NRG1: variants seen among roughly 807,000 people sequenced by gnomAD.
NRG1 encodes the protein neuregulin 1.
Under a neutral mutation model 63.8 loss-of-function variants are expected in NRG1, and 18 were observed. The observed-to-expected ratio is 0.28, with a 90% confidence interval of 0.19 to 0.42. The LOEUF (loss-of-function observed/expected upper bound fraction) is 0.42, where lower values mean the gene tolerates loss of function less well. Ranked by LOEUF, NRG1 falls within the 10% of genes least tolerant of loss-of-function variation. NRG1 has a pLI of 1.00. For synonymous variants in NRG1, 302 were observed against 301.3 expected, an observed-to-expected ratio of 1.00 and a Z score of -0.02; for missense variants, 762 against 814.7, an observed-to-expected ratio of 0.94 and a Z score of 0.79.
chr8:32,042,025 A>C (rs1820144115), intron 1 of NRG1, among the ~76,000 whole-genome samples: 1 of 152,200 alleles, frequency 6.6e-6, no homozygotes. Flanking sequence ...TGCTCAGAAG[A>C]GTTTGAAAAT....
At chr8:32,264,826 G>T (rs1465520715) in intron 1 of NRG1, among the ~76,000 whole-genome samples, 1 of 152,014 alleles carries the variant, frequency 6.6e-6, no homozygotes, top group Non-Finnish European at 1.5e-5. Flanking sequence ...AAAAAAAAAG[G>T]ATTCTGAAAG....
At chr8:32,137,181 C>T (rs903436763) in intron 1 of NRG1, among the ~76,000 whole-genome samples, 4 of 152,100 alleles carry the variant, frequency 2.6e-5, no homozygotes, top group Non-Finnish European at 5.9e-5. Flanking sequence ...CATGGTGGCT[C>T]ATGCCTGTAG....
intron 1 of NRG1, among the ~76,000 whole-genome samples, chr8:32,194,791 A>C (rs1270750607): frequency 6.6e-6 from 1 of 152,160 alleles, no homozygotes; most frequent in African/African-American, 2.4e-5. Flanking sequence ...TTCCCTTATG[A>C]TTCCTCTTCT....
intron 1 of NRG1, among the ~76,000 whole-genome samples, chr8:32,509,159 G>A (rs1239006592): frequency 6.6e-6 from 1 of 151,586 alleles, no homozygotes; most frequent in Admixed American, 6.6e-5. Flanking sequence ...CTGGAGTACA[G>A]TGGTGCAATC....
chr8:32,588,881 TAGC>T (rs1268798136), intron 1 of NRG1, among the ~76,000 whole-genome samples: 1 of 152,154 alleles, frequency 6.6e-6, no homozygotes, highest in African/African-American at 2.4e-5. Context: ...CAGGGACAAA[TAGC>T]AGCTCCATTC....
At chr8:31,920,277 AT>A (rs1833789922) in intron 1 of NRG1, among the ~76,000 whole-genome samples, 1 of 141,666 alleles carries the variant, frequency 7.1e-6, no homozygotes, top group South Asian at 2.4e-4. Flanking sequence ...ACTGTCGCTG[AT>A]TGGAACTACC....
Position 31,815,343 on chromosome 8 carries a change from G to T in NRG1, c.37+175912G>T, listed in dbSNP as rs114199183. Among the ~76,000 whole-genome samples, 668 of 152,068 alleles carry T rather than the reference G, an allele frequency of 4.4e-3. 7 individuals are homozygous for T. The highest frequency in any genetic ancestry group is 0.015 in the African/African-American group (629 of 41,472). The stretch of plus-strand genomic sequence containing the variant: ...CTTCATATAAGCGGTATCATGCAGT[G>T]GTATCTCATCTTTTTGAGACTGGCT... On this transcript the variant is annotated intron_variant, in intron 1 of 10. Transcript: ENST00000519301.
chr8:31,752,554 A>C (rs903586477), intron 1 of NRG1, among the ~76,000 whole-genome samples: 1 of 152,056 alleles, frequency 6.6e-6, no homozygotes, highest in Non-Finnish European at 1.5e-5. Flanking sequence ...TAGGCTTGTC[A>C]TTTGGACTTG....
At chr8:32,372,612 A>G (rs1179905178) in intron 1 of NRG1, among the ~76,000 whole-genome samples, 2 of 152,180 alleles carry the variant, frequency 1.3e-5, no homozygotes, top group Non-Finnish European at 2.9e-5. Context: ...GGCAATGGAC[A>G]CAACAGTCTA....
Position 32,573,751 on chromosome 8 carries a change from A to G in NRG1, c.101-22077A>G, listed in dbSNP as rs1003828378. Among the ~76,000 whole-genome samples the G allele has an allele frequency of 1.5e-4, 23 of 152,150 alleles. 1 individual carries two copies. Among genetic ancestry groups the G allele is most frequent in the African/African-American group, 5.5e-4 (23 of 41,512 alleles). Reference sequence around the variant, plus strand: ...TGTGCCGTGTTGGTGTGCTGCACCCATTAACTCGTCATTTAGCATTAGGTA... The same window carrying G: ...TGTGCCGTGTTGGTGTGCTGCACCCGTTAACTCGTCATTTAGCATTAGGTA... On this transcript the variant is annotated intron_variant, in intron 1 of 11. Coordinates refer to ENST00000356819, the Ensembl canonical transcript of NRG1.
intron 5 of NRG1, among the ~76,000 whole-genome samples, chr8:32,695,406 AG>A (rs2128947201): frequency 6.6e-6 from 1 of 152,182 alleles, no homozygotes; most frequent in South Asian, 2.1e-4. Context: ...GAAGGAGAAA[AG>A]AAAAGAAAAG....
intron 1 of NRG1, among the ~76,000 whole-genome samples, chr8:32,044,724 A>C (rs1382684261): frequency 7.7e-6 from 1 of 129,362 alleles, no homozygotes; most frequent in Non-Finnish European, 1.6e-5. Flanking sequence ...CAGTCAAAGA[A>C]GAAGTGTCAA....
intron 1 of NRG1, among the ~76,000 whole-genome samples, chr8:31,650,906 A>G (rs1295327148): frequency 1.3e-5 from 2 of 152,002 alleles, no homozygotes; most frequent in African/African-American, 4.8e-5. Context: ...GACTTTATTC[A>G]CTCATTTGGG....
rs118082190 is a variant in NRG1 at position 31,655,881 on chromosome 8, G to A, written c.37+16450G>A. ...GGGCAATGCCTACAAAGGGCGGTGG[G>A]GAGGATGGCCCCCAGTGTTCTGGCT... is the stretch of plus-strand genomic sequence containing the variant. On this transcript the variant is annotated intron_variant, in intron 1 of 10. Transcript: ENST00000519301. 9.4e-3 allele frequency among the ~76,000 whole-genome samples: 1,431 copies of A among 152,336 alleles called. 46 individuals are homozygous for A. In the South Asian group the frequency reaches 0.12, roughly 13 times the overall value.
intron 1 of NRG1, among the ~76,000 whole-genome samples, chr8:31,672,746 T>C (rs1585562198): frequency 6.6e-6 from 1 of 152,168 alleles, no homozygotes; most frequent in Admixed American, 6.5e-5. Flanking sequence ...CAAGGAAAAA[T>C]AATTTAACTA....
Position 31,713,277 on chromosome 8 carries a change from C to T in NRG1, c.37+73846C>T, listed in dbSNP as rs566410988. On this transcript the variant is annotated intron_variant, in intron 1 of 10. Coordinates refer to the NRG1 transcript ENST00000519301. Reference sequence around the variant, plus strand: ...GACTACAGGCGCCCACCACCAAGCCCGGCTAATTTTTTGTATTTTTAGTGT... The same window carrying T: ...GACTACAGGCGCCCACCACCAAGCCTGGCTAATTTTTTGTATTTTTAGTGT... Among the ~76,000 whole-genome samples the T allele has an allele frequency of 1.9e-4, 29 of 151,828 alleles. 1 individual carries two copies. Among genetic ancestry groups the T allele is most frequent in the Admixed American group, 3.9e-4 (6 of 15,242 alleles).
Position 31,898,384 on chromosome 8 carries a change from A to G in NRG1, c.37+258953A>G, listed in dbSNP as rs529978698. Among the ~76,000 whole-genome samples, 26 of 152,332 alleles carry G rather than the reference A, an allele frequency of 1.7e-4. 1 individual carries two copies. The South Asian group carries it at 5.4e-3, about 32-fold the overall frequency. On this transcript the variant is annotated intron_variant, in intron 1 of 10. Coordinates refer to the NRG1 transcript ENST00000519301. The stretch of plus-strand genomic sequence containing the variant: ...TTGTGTAATTCTCAGAGTAATTCCC[A>G]TGACATAACTATAGTACATCTGTTT...
At chr8:31,649,908 T>C (rs182223700) in intron 1 of NRG1, among the ~76,000 whole-genome samples, 175 of 152,336 alleles carry the variant, frequency 1.1e-3, no homozygotes, top group Non-Finnish European at 1.0e-3. Context: ...TCCCTGTCTG[T>C]ATTCCTGTCC....
At chr8:31,654,417 CATTTT>C (rs1371189441) in intron 1 of NRG1, among the ~76,000 whole-genome samples, 1 of 152,208 alleles carries the variant, frequency 6.6e-6, no homozygotes, top group East Asian at 1.9e-4. Context: ...GTCTTTAAAA[CATTTT>C]ATTAAATATT....
Sources: gnomAD v4.1 joint callset for allele counts (sites outside exome capture counted in the v4.1 genomes callset) on GRCh38, gnomAD v4.1.1 for gene constraint, MANE v1.5 for transcripts, NCBI Gene and HGNC (gene_info 2026-07-23, HGNC 2026-07-21) for gene names.